Variants in EXOC4 observed in about 807,000 individuals in gnomAD.
EXOC4 encodes the protein SEC8-like 1.
Under a neutral mutation model 107.2 loss-of-function variants are expected in EXOC4, and 71 were observed. The observed-to-expected ratio is 0.66, with a 90% CI of 0.55 to 0.81. EXOC4 has a LOEUF of 0.81. Among genes scored for constraint, EXOC4 ranks in the 30% least tolerant of loss-of-function variants. The pLI, the probability that EXOC4 is intolerant of heterozygous loss-of-function variation, is 0.00. For missense variants in EXOC4, 1,108 were observed against 1,189.6 expected (o/e 0.93, Z 1.01); for synonymous variants, 456 against 441.2 (o/e 1.03, Z -0.42).
intron 10 of EXOC4, among the ~76,000 whole-genome samples, chr7:133,813,185 G>C (rs1225220207): frequency 1.3e-5 from 2 of 152,070 alleles, no homozygotes; most frequent in African/African-American, 4.8e-5. Flanking sequence ...AGCGATGGGG[G>C]CCCCTTTGTC....
chr7:133,558,210 TC>T (rs1800736487), intron 9 of EXOC4, among the ~76,000 whole-genome samples: 1 of 137,142 alleles, frequency 7.3e-6, no homozygotes, highest in African/African-American at 3.1e-5. Context: ...TCTTTTCTTT[TC>T]TTTTCTTTTC....
chr7:133,541,174 A>AT (rs932123379), intron 9 of EXOC4, among the ~76,000 whole-genome samples: 3 of 152,076 alleles, frequency 2.0e-5, no homozygotes, highest in African/African-American at 4.8e-5. Context: ...GGTTCTCCAT[A>AT]TTTTTTCAAA....
intron 9 of EXOC4, among the ~76,000 whole-genome samples, chr7:133,602,391 A>G (rs753614213): frequency 9.9e-5 from 15 of 152,160 alleles, no homozygotes; most frequent in Non-Finnish European, 1.5e-4. Flanking sequence ...CTCTTTTCCC[A>G]TGATTACTAA....
At chr7:133,875,421 A>G (rs1416779010) in intron 11 of EXOC4, among the ~76,000 whole-genome samples, 3 of 152,150 alleles carry the variant, frequency 2.0e-5, no homozygotes, top group Admixed American at 6.5e-5. Flanking sequence ...CTTCTGGTCT[A>G]TCCTTTTGTC....
At chr7:133,783,996 G>A (rs907334148) in intron 10 of EXOC4, among the ~76,000 whole-genome samples, 1 of 152,068 alleles carries the variant, frequency 6.6e-6, no homozygotes, top group Non-Finnish European at 1.5e-5. Flanking sequence ...CCATCCTTCT[G>A]CTCTTAAAGA....
chr7:133,349,050 ACTTATT>A (rs907291440), intron 5 of EXOC4, among the ~76,000 whole-genome samples: 15 of 152,252 alleles, frequency 9.9e-5, no homozygotes, highest in East Asian at 1.9e-4. Flanking sequence ...TAAATAGAGG[ACTTATT>A]CTTATAAGAA....
chr7:133,693,061 A>G (rs1162301622), intron 10 of EXOC4, among the ~76,000 whole-genome samples: 2 of 152,190 alleles, frequency 1.3e-5, no homozygotes, highest in Non-Finnish European at 2.9e-5. Context: ...AGATGTATAT[A>G]TGAAGGGGAA....
intron 11 of EXOC4, among the ~76,000 whole-genome samples, chr7:133,852,933 A>G (rs745825713): frequency 1.2e-4 from 18 of 152,210 alleles, no homozygotes; most frequent in Non-Finnish European, 1.9e-4. Flanking sequence ...AAACAAAACA[A>G]TAAATAAATG....
intron 11 of EXOC4, among the ~76,000 whole-genome samples, chr7:133,874,882 T>C (rs541275831): frequency 1.2e-4 from 18 of 152,322 alleles, no homozygotes; most frequent in Admixed American, 2.0e-4. Flanking sequence ...TAGTAAAGGT[T>C]CTCCTCTGTG....
chr7:133,457,867 A>G (rs1282987369), intron 7 of EXOC4, among the ~76,000 whole-genome samples: 2 of 152,174 alleles, frequency 1.3e-5, no homozygotes, highest in East Asian at 3.9e-4. Flanking sequence ...ATCATAGTAC[A>G]GTAGTAGGTA....
intron 4 of EXOC4, among the ~76,000 whole-genome samples, chr7:133,317,053 A>C (rs1340583173): frequency 1.3e-5 from 2 of 152,288 alleles, no homozygotes; most frequent in African/African-American, 4.8e-5. Context: ...GACAAAATAA[A>C]AATTTAAGTA....
Position 134,045,941 on chromosome 7 carries a change from G to C in EXOC4, c.2688-18350G>C, listed in dbSNP as rs146984620. On this transcript the variant is annotated intron_variant, in intron 17 of 17. Coordinates refer to ENST00000253861, the MANE Select transcript of EXOC4 (RefSeq NM_021807.4). ...TTCAAGATTTATAAAATTAGCACTTGTCTTAATAACAGGGTATGAGACAGT... is the reference window on the plus strand; with the variant it reads ...TTCAAGATTTATAAAATTAGCACTTCTCTTAATAACAGGGTATGAGACAGT... Among the ~76,000 whole-genome samples the C allele has an allele frequency of 5.7e-3, 860 of 152,208 alleles. 3 individuals are homozygous for C. The highest frequency in any genetic ancestry group is 0.019 in the African/African-American group (791 of 41,536).
chr7:133,562,902 A>G (rs2150952259), intron 9 of EXOC4, among the ~76,000 whole-genome samples: 1 of 152,346 alleles, frequency 6.6e-6, no homozygotes, highest in South Asian at 2.1e-4. Context: ...ACTGAATACT[A>G]TCCTAATTAA....
At chr7:134,020,668 A>T in intron 17 of EXOC4, among the ~76,000 whole-genome samples, 1 of 152,148 alleles carries the variant, frequency 6.6e-6, no homozygotes, top group East Asian at 1.9e-4. Flanking sequence ...GAATTTGAGT[A>T]AGTCACTTCA....
At chr7:133,945,325 C>A (rs575335997) in intron 14 of EXOC4, among the ~76,000 whole-genome samples, 44 of 152,300 alleles carry the variant, frequency 2.9e-4, no homozygotes, top group Non-Finnish European at 5.4e-4. Context: ...CTAAAAATTT[C>A]TTCTTTAATT....
rs145082088 is a variant in EXOC4 at position 133,407,418 on chromosome 7, A to C, written c.1182+32416A>C. Among the ~76,000 whole-genome samples the C allele has an allele frequency of 1.7e-3, 266 of 152,234 alleles. 1 individual carries two copies. The highest frequency in any genetic ancestry group is 6.0e-3 in the African/African-American group (249 of 41,522). On this transcript the variant is annotated intron_variant, in intron 7 of 17. Transcript: ENST00000253861. Reference sequence around the variant, plus strand: ...GGTCTCGAATAAAATCTTCCTTACCATTTTTAACATGTTTTGAGAATGACT... The same window carrying C: ...GGTCTCGAATAAAATCTTCCTTACCCTTTTTAACATGTTTTGAGAATGACT...
At chr7:133,786,289 C>A (rs1439497871) in intron 10 of EXOC4, among the ~76,000 whole-genome samples, 1 of 152,154 alleles carries the variant, frequency 6.6e-6, no homozygotes, top group African/African-American at 2.4e-5. Flanking sequence ...CCAGTTATCG[C>A]TAACTCCCAA....
At chr7:133,638,226 A>G (rs1420668664) in intron 10 of EXOC4, among the ~76,000 whole-genome samples, 1 of 152,200 alleles carries the variant, frequency 6.6e-6, no homozygotes, top group Non-Finnish European at 1.5e-5. Context: ...AGAATTTTCA[A>G]ATGAATAAGG....
intron 9 of EXOC4, among the ~76,000 whole-genome samples, chr7:133,565,266 C>T (rs557879651): frequency 3.3e-5 from 5 of 152,220 alleles, no homozygotes; most frequent in East Asian, 3.9e-4. Flanking sequence ...TGAGCTTAAC[C>T]GCCTCCACTC....
Sources: allele counts gnomAD v4.1 joint callset (sites outside exome capture counted in the v4.1 genomes callset), GRCh38; gene constraint gnomAD v4.1.1; transcripts MANE v1.5; gene names NCBI Gene and HGNC (gene_info 2026-07-23, HGNC 2026-07-21).